CSMD1: variants seen among roughly 807,000 people sequenced by gnomAD.
CSMD1 encodes the protein CUB and sushi domain-containing protein 1.
Under a neutral mutation model 417.5 loss-of-function variants are expected in CSMD1, and 213 were observed. The observed-to-expected ratio is 0.51, with a 90% CI of 0.46 to 0.57. The LOEUF (loss-of-function observed/expected upper bound fraction) is 0.57, where lower values mean the gene tolerates loss of function less well. Among genes scored for constraint, CSMD1 ranks in the 20% least tolerant of loss-of-function variants. CSMD1 has a pLI of 0.00. For missense variants in CSMD1, 6,923 were observed against 4,529.7 expected, an observed-to-expected ratio of 1.53 and a Z score of -15.17; for synonymous variants, 2,862 against 1,736.8, an observed-to-expected ratio of 1.65 and a Z score of -16.11.
intron 3 of CSMD1, among the ~76,000 whole-genome samples, chr8:4,255,324 C>G (rs1272005965): frequency 6.6e-6 from 1 of 152,144 alleles, no homozygotes; most frequent in East Asian, 1.9e-4. Context: ...AGGAGGGGAG[C>G]TGTTAATATC....
At chr8:3,650,005 C>G (rs1563233381) in intron 7 of CSMD1, among the ~76,000 whole-genome samples, 2 of 152,030 alleles carry the variant, frequency 1.3e-5, no homozygotes, top group Non-Finnish European at 2.9e-5. Context: ...GAGGCTGGGC[C>G]TGGTGGCTCA....
chr8:4,774,376 C>T (rs916601904), intron 1 of CSMD1, among the ~76,000 whole-genome samples: 1 of 152,108 alleles, frequency 6.6e-6, no homozygotes, highest in African/African-American at 2.4e-5. Flanking sequence ...AGAACCAAAG[C>T]ATTCTTGAAT....
chr8:3,626,096 T>C (rs1386073044), intron 7 of CSMD1, among the ~76,000 whole-genome samples: 1 of 152,186 alleles, frequency 6.6e-6, no homozygotes, highest in Non-Finnish European at 1.5e-5. Flanking sequence ...CATCACCATC[T>C]GTCTGATTCC....
rs79214864 is a variant in CSMD1 at position 4,019,053 on chromosome 8, C to A, written c.610+12852G>T. 6.9e-3 allele frequency among the ~76,000 whole-genome samples: 1,055 copies of A among 152,310 alleles called. 57 individuals carry two copies. The East Asian group carries it at 0.14, about 20-fold the overall frequency. On this transcript the variant is annotated intron_variant, in intron 4 of 69. Coordinates refer to ENST00000635120, the MANE Select transcript of CSMD1 (RefSeq NM_033225.6). ...AGATGAAATCTTTATCGCTTTGAGA[C>A]AGATGCTACTCCATTTGCTAGAAAT...
chr8:4,491,079 A>T (rs1801673863), intron 2 of CSMD1, among the ~76,000 whole-genome samples: 1 of 152,154 alleles, frequency 6.6e-6, no homozygotes, highest in Non-Finnish European at 1.5e-5. Flanking sequence ...ACCTAATAAG[A>T]CATGAGCTAT....
intron 2 of CSMD1, among the ~76,000 whole-genome samples, chr8:4,501,928 A>G (rs1802278380): frequency 6.6e-6 from 1 of 151,930 alleles, no homozygotes. Context: ...TTTGGAACAT[A>G]CCCCCCTAGA....
intron 1 of CSMD1, among the ~76,000 whole-genome samples, chr8:4,725,677 C>G (rs1308275709): frequency 6.6e-6 from 1 of 152,146 alleles, no homozygotes; most frequent in South Asian, 2.1e-4. Context: ...CAAATTCCAG[C>G]CTTGCTTTTG....
intron 3 of CSMD1, among the ~76,000 whole-genome samples, chr8:4,040,774 T>A (rs1366494555): frequency 6.6e-6 from 1 of 152,162 alleles, no homozygotes; most frequent in African/African-American, 2.4e-5. Flanking sequence ...CAAATGGATT[T>A]GAAACCTAGA....
rs184069496 is a variant in CSMD1, at chr8:4,222,494, A to C, written c.416-190395T>G. ...TGTTCTCAGTAAGTCAGTCAATAAT[A>C]TAGTTGTTAATATTATTATTGTTAA... On this transcript the variant is annotated intron_variant, in intron 3 of 69. Coordinates refer to ENST00000635120, the MANE Select transcript of CSMD1 (RefSeq NM_033225.6). Among the ~76,000 whole-genome samples, 19 of 152,326 alleles carry C rather than the reference A, an allele frequency of 1.2e-4. 1 individual carries two copies. In the East Asian group the frequency reaches 3.7e-3, roughly 29 times the overall value.
At chr8:3,609,696 G>A (rs933699675) in intron 8 of CSMD1, among the ~76,000 whole-genome samples, 1 of 145,040 alleles carries the variant, frequency 6.9e-6, no homozygotes, top group Non-Finnish European at 1.5e-5. Flanking sequence ...TTGGTTGTTA[G>A]TTTGGATTAC....
intron 3 of CSMD1, among the ~76,000 whole-genome samples, chr8:4,176,065 T>G (rs1341583643): frequency 6.6e-6 from 1 of 152,060 alleles, no homozygotes; most frequent in Admixed American, 6.5e-5. Flanking sequence ...AAGTGTGACT[T>G]AGATGTGGAA....
chr8:4,154,961 A>G lies in CSMD1; in HGVS notation c.416-122862T>C, dbSNP rs572271611. On this transcript the variant is annotated intron_variant, in intron 3 of 69. Coordinates refer to ENST00000635120, the MANE Select transcript of CSMD1 (RefSeq NM_033225.6). ...AATACAAAATGTTATATTGAAAATT[A>G]AGTGGGCTACCCTAATGCTACTCCA... Among the ~76,000 whole-genome samples the G allele has an allele frequency of 6.3e-4, 96 of 152,324 alleles. No homozygotes were observed. The South Asian group carries it at 0.019, about 31-fold the overall frequency.
At chr8:4,216,125 T>C (rs1800653108) in intron 3 of CSMD1, among the ~76,000 whole-genome samples, 1 of 152,166 alleles carries the variant, frequency 6.6e-6, no homozygotes, top group Non-Finnish European at 1.5e-5. Flanking sequence ...GGCTGCCACC[T>C]GCCTTTTTTA....
At chr8:4,848,099 T>C (rs1440338664) in intron 1 of CSMD1, among the ~76,000 whole-genome samples, 2 of 152,206 alleles carry the variant, frequency 1.3e-5, no homozygotes, top group Non-Finnish European at 1.5e-5. Context: ...GCAACTGTGT[T>C]ATTTTTTTTG....
intron 1 of CSMD1, among the ~76,000 whole-genome samples, chr8:4,737,491 A>G (rs1426849643): frequency 2.6e-5 from 4 of 152,188 alleles, no homozygotes; most frequent in African/African-American, 9.6e-5. Context: ...TGAAGTTAAA[A>G]TAACAATTAA....
intron 8 of CSMD1, among the ~76,000 whole-genome samples, chr8:3,598,061 T>C (rs757034419): frequency 7.2e-5 from 11 of 152,242 alleles, no homozygotes; most frequent in Admixed American, 1.3e-4. Flanking sequence ...TTCTTCTTAA[T>C]ACAGTTTATT....
intron 10 of CSMD1, among the ~76,000 whole-genome samples, chr8:3,524,569 CCAGA>C (rs965549666): frequency 9.0e-5 from 13 of 144,640 alleles, no homozygotes; most frequent in South Asian, 4.6e-4. Context: ...ACATGCATAC[CCAGA>C]CACTTATGCA....
chr8:3,874,526 A>G (rs1585123704), intron 5 of CSMD1, among the ~76,000 whole-genome samples: 1 of 152,228 alleles, frequency 6.6e-6, no homozygotes, highest in East Asian at 1.9e-4. Context: ...GTCGGCGTTC[A>G]TTGAAGACAT....
At chr8:3,630,325 G>C (rs62477279) in intron 7 of CSMD1, among the ~76,000 whole-genome samples, 2 of 152,164 alleles carry the variant, frequency 1.3e-5, no homozygotes, top group African/African-American at 4.8e-5. Flanking sequence ...TAAGGTAAGA[G>C]TGAATTTAAA....
Sources: allele counts gnomAD v4.1 joint callset (sites outside exome capture counted in the v4.1 genomes callset), GRCh38; gene constraint gnomAD v4.1.1; transcripts MANE v1.5; gene names NCBI Gene and HGNC (gene_info 2026-07-23, HGNC 2026-07-21).